The following SLC38A10 variants were observed in gnomAD, a reference collection of about 807,000 sequenced individuals.
SLC38A10 encodes the protein Sodium-coupled neutral amino acid transporter 10.
SLC38A10 carries 53 observed loss-of-function variants against 81.0 expected under a neutral mutation model. The observed-to-expected ratio is 0.65, with a 90% CI of 0.53 to 0.82. SLC38A10 has a LOEUF of 0.82. SLC38A10 is among the 40% of genes least tolerant of loss of function. The pLI is 0.00. For synonymous variants in SLC38A10, 665 were observed against 655.3 expected (o/e 1.01, Z -0.23); for missense variants, 1,471 against 1,545.0 (o/e 0.95, Z 0.80).
At chr17:81,287,595 CT>C (rs2063278382) in intron 2 of SLC38A10, among the ~76,000 whole-genome samples, 1 of 152,196 alleles carries the variant, frequency 6.6e-6, no homozygotes, top group South Asian at 2.1e-4. Context: ...CTGAGACACA[CT>C]TGGTGTTTTG....
Position 81,276,996 on chromosome 17 carries a change from A to C in SLC38A10, c.729+35T>G. On this transcript the variant is annotated intron_variant, in intron 7 of 15. Coordinates refer to ENST00000374759, the MANE Select transcript of SLC38A10 (RefSeq NM_001037984.3). The surrounding 1 kb of genome is among the most constrained non-coding windows in gnomAD (Gnocchi z 4.7). ...CACCACGGCACATCATGCTGGCATG[A>C]CACAGGGGCGGAGAGGGCGTGGCAA... The C allele has an allele frequency of 6.3e-7, 1 of 1,599,068 alleles. No homozygotes were observed. The highest frequency in any genetic ancestry group is 1.7e-5 in the Admixed American group (1 of 59,966).
chr17:81,246,851 GC>G (rs2062856906), intron 15 of SLC38A10, 33 bp downstream of exon 15: 1 of 1,556,338 alleles, frequency 6.4e-7, no homozygotes, highest in East Asian at 2.3e-5. Flanking sequence ...CCCCTGCCTG[GC>G]CCCACCCCAC....
intron 14 of SLC38A10, chr17:81,247,292 C>T: frequency 4.8e-6 from 2 of 414,266 alleles, no homozygotes; most frequent in East Asian, 7.4e-5. Flanking sequence ...CCCCTGGAAG[C>T]CCACCCGGGA....
intron 5 of SLC38A10, 97 bp downstream of exon 5, chr17:81,282,092 G>A (rs569870426): frequency 6.1e-5 from 93 of 1,532,718 alleles, no homozygotes; most frequent in Middle Eastern, 3.4e-4. Flanking sequence ...GGCAGCAGGC[G>A]GCCACACCAG....
chr17:81,247,149 G>C (rs1459072516), intron 14 of SLC38A10, 88 bp from the exon 15 acceptor site: 2 of 1,370,200 alleles, frequency 1.5e-6, no homozygotes, highest in Admixed American at 2.4e-5. Context: ...GCAAGGCAAC[G>C]CACAGGTCAC....
rs185080088 is a variant in SLC38A10 at position 81,283,526 on chromosome 17, G to A, written c.264-24C>T. The A allele has an allele frequency of 5.3e-4, 845 of 1,591,332 alleles. 9 individuals carry two copies. In the East Asian group the frequency reaches 0.018, roughly 34 times the overall value. On this transcript the variant is annotated intron_variant, in intron 3 of 15. Transcript: ENST00000374759. The surrounding 1 kb of genome is among the most constrained non-coding windows in gnomAD (Gnocchi z 4.7). ...TGCTGCACAGGGACGGGGGGTACGG[G>A]AAATGCCATCAGGGCAAGCTGGCAC...
At chr17:81,272,439 C>T (rs561995428) in intron 9 of SLC38A10, 77 bp downstream of exon 9, 11 of 881,284 alleles carry the variant, frequency 1.2e-5, no homozygotes, top group Middle Eastern at 3.3e-4. Flanking sequence ...GTGCAGGTCT[C>T]GTAACTGTGC....
chr17:81,285,410 G>A (rs1236615495), intron 2 of SLC38A10: 1 of 152,548 alleles, frequency 6.6e-6, no homozygotes, highest in Non-Finnish European at 1.5e-5. Context: ...TTCGAGCATG[G>A]TGCTTCAGGA....
In SLC38A10 at chr17:81,265,592, G is replaced by T. The variant is rs2063062993; in HGVS notation, c.1132-5198C>A. On this transcript the variant is annotated intron_variant, in intron 10 of 15. Transcript: ENST00000374759. The surrounding 1 kb of genome is among the most constrained non-coding windows in gnomAD (Gnocchi z 4.2). ...CCACCCCAGCATATCACCAGTTGTG[G>T]CTCTTCCTGAGGTCCCTGGGCTGGG... Among the ~76,000 whole-genome samples the T allele has an allele frequency of 6.6e-6, 1 of 152,160 alleles. No homozygotes were observed. Among genetic ancestry groups the T allele is most frequent in the Non-Finnish European group, 1.5e-5 (1 of 68,018 alleles).
intron 10 of SLC38A10, among the ~76,000 whole-genome samples, chr17:81,261,368 G>A (rs2063022170): frequency 6.6e-6 from 1 of 152,250 alleles, no homozygotes; most frequent in Non-Finnish European, 1.5e-5. Context: ...TCTCCCCAGG[G>A]AAGCGCTAAC....
At chr17:81,292,748 G>A (rs2063320656) in intron 1 of SLC38A10, among the ~76,000 whole-genome samples, 1 of 152,204 alleles carries the variant, frequency 6.6e-6, no homozygotes, top group African/African-American at 2.4e-5. Flanking sequence ...GGTGGTCCAA[G>A]GCTCGAGATA....
intron 1 of SLC38A10, among the ~76,000 whole-genome samples, chr17:81,292,532 C>G (rs114177238): frequency 2.0e-5 from 3 of 152,020 alleles, no homozygotes; most frequent in Non-Finnish European, 4.4e-5. Context: ...ATCCCCAAAT[C>G]GCCTGCTGGC....
In SLC38A10 at chr17:81,277,527, C is replaced by T. The variant is rs1013882451; in HGVS notation, c.627-394G>A. Among the ~76,000 whole-genome samples, 2 of 152,344 alleles carry T rather than the reference C, an allele frequency of 1.3e-5. No homozygotes were observed. Among genetic ancestry groups the T allele is most frequent in the South Asian group, 2.1e-4 (1 of 4,826 alleles). On this transcript the variant is annotated intron_variant, in intron 6 of 15. Coordinates refer to ENST00000374759, the MANE Select transcript of SLC38A10 (RefSeq NM_001037984.3). The surrounding 1 kb of genome is among the most constrained non-coding windows in gnomAD (Gnocchi z 4.5). ...ACAAACACACCCTGGCCTGGGCGGC[C>T]GGCCCATCTCGGCGCCTCCATCTCG... is the stretch of plus-strand genomic sequence containing the variant.
chr17:81,251,934 C>A lies in SLC38A10; in HGVS notation c.1945+261G>T, dbSNP rs184960289. 384 of 565,362 alleles carry A rather than the reference C, an allele frequency of 6.8e-4. 8 individuals carry two copies. In the South Asian group the frequency reaches 0.012, roughly 18 times the overall value. The allele number at this position is 565,362 out of a possible 1,614,324, so 35.0% of individuals were successfully genotyped here. A position where few individuals can be genotyped will look rare whatever the true frequency, so the allele number is the denominator to read the frequency against. ...CGCCCCCCGCGCCGCCCCCCGTGTGCGCCCAGACACACGAGCACAGCGCGG... is the reference window on the plus strand; with the variant it reads ...CGCCCCCCGCGCCGCCCCCCGTGTGAGCCCAGACACACGAGCACAGCGCGG... On this transcript the variant is annotated intron_variant, in intron 13 of 15. Coordinates refer to ENST00000374759, the MANE Select transcript of SLC38A10 (RefSeq NM_001037984.3).
Position 81,246,264 on chromosome 17 carries a change from G to A in SLC38A10, c.2652C>T (p.Asp884=), listed in dbSNP as rs545804440. The change falls in exon 16 of 16, where the codon GAC becomes GAT. Residue 884 remains aspartate, a synonymous_variant. Coordinates refer to ENST00000374759, the MANE Select transcript of SLC38A10 (RefSeq NM_001037984.3). ...TCCTGTCTTGGGAACCGCCAGTAAC[G>A]TCCTGACTTTGCCCAGGGAATTCCT... ...LAEEFPGQSQ[D]VTGGSQDRKK... The A allele has an allele frequency of 3.8e-5, 61 of 1,612,594 alleles. No homozygotes were observed. The East Asian group carries it at 7.8e-4, about 21-fold the overall frequency.
chr17:81,294,633 G>A (rs914804547), intron 1 of SLC38A10, among the ~76,000 whole-genome samples, 190 bp downstream of exon 1: 1 of 152,200 alleles, frequency 6.6e-6, no homozygotes, highest in Non-Finnish European at 1.5e-5. Flanking sequence ...CAGGGCCAAC[G>A]CCGTGCGCTT....
At chr17:81,262,037 G>A (rs56138245) in intron 10 of SLC38A10, among the ~76,000 whole-genome samples, 1 of 152,178 alleles carries the variant, frequency 6.6e-6, no homozygotes, top group African/African-American at 2.4e-5. Context: ...CAGTGGTGGT[G>A]TCTGGAAGGT....
intron 10 of SLC38A10, among the ~76,000 whole-genome samples, chr17:81,268,267 A>G (rs2063086038): frequency 6.6e-6 from 1 of 152,164 alleles, no homozygotes; most frequent in South Asian, 2.1e-4. Context: ...ATGAATGACA[A>G]TGTCACCCAG....
intron 11 of SLC38A10, among the ~76,000 whole-genome samples, chr17:81,259,377 G>A (rs745681921): frequency 3.9e-5 from 6 of 152,206 alleles, no homozygotes; most frequent in Non-Finnish European, 8.8e-5. Flanking sequence ...GTCGGCACAC[G>A]GGCAGTGTGG....
Sources: allele counts gnomAD v4.1 joint callset (sites outside exome capture counted in the v4.1 genomes callset), GRCh38; gene constraint gnomAD v4.1.1; non-coding constraint Gnocchi (gnomAD v3.1); transcripts MANE v1.5; gene names NCBI Gene and HGNC (gene_info 2026-07-23, HGNC 2026-07-21).